Variants in ASPM observed in about 807,000 individuals in gnomAD.
The protein encoded by ASPM is abnormal spindle-like microcephaly-associated protein.
Under a neutral mutation model 366.4 loss-of-function variants are expected in ASPM, and 256 were observed. That is an observed-to-expected ratio of 0.70 (90% confidence interval 0.63 to 0.77). The LOEUF is 0.77. ASPM is among the 30% of genes least tolerant of loss of function. ASPM has a pLI of 0.00. For synonymous variants in ASPM, 1,414 were observed against 1,342.9 expected (o/e 1.05, Z -1.16); for missense variants, 4,146 against 4,090.4 (o/e 1.01, Z -0.37).
At chr1:197,112,275 G>A (rs920085722) in intron 17 of ASPM, among the ~76,000 whole-genome samples, 3 of 152,042 alleles carry the variant, frequency 2.0e-5, no homozygotes, top group African/African-American at 7.2e-5. Flanking sequence ...ACCAAACACT[G>A]CATGTTCTTA....
At chr1:197,138,640 C>T (rs1318511966) in intron 4 of ASPM, 1 of 499,870 alleles carries the variant, frequency 2.0e-6, no homozygotes, top group African/African-American at 2.0e-5. Context: ...AATAAGCAAG[C>T]CAATTTTTAA....
rs917847351 is a variant in ASPM, at chr1:197,129,384, A to C, written c.2630-67T>G. 21 of 1,423,960 alleles carry C rather than the reference A, an allele frequency of 1.5e-5. No homozygotes were observed. In the African/African-American group the frequency reaches 2.9e-4, roughly 20 times the overall value. The allele number at this position is 1,423,960 out of a possible 1,614,324, so 88.2% of individuals were successfully genotyped here. Reference sequence around the variant, plus strand: ...AAGGTAGGTTTCATCTTAAAATATGATAATAATAATAATAAGGTGTTAGTA... The same window carrying C: ...AAGGTAGGTTTCATCTTAAAATATGCTAATAATAATAATAAGGTGTTAGTA... On this transcript the variant is annotated intron_variant, in intron 8 of 27. Transcript: ENST00000367409.
At chr1:197,118,073 T>C (rs1448385247) in intron 16 of ASPM, 90 bp from the exon 17 acceptor site, 2 of 1,215,186 alleles carry the variant, frequency 1.6e-6, no homozygotes, top group Non-Finnish European at 1.2e-6. Flanking sequence ...TAAACACCAA[T>C]CAAATTGATA....
At chr1:197,135,623 C>CTTTTTTTT (rs778898963) in intron 4 of ASPM, among the ~76,000 whole-genome samples, 267 of 69,350 alleles carry the variant, frequency 3.9e-3, no homozygotes, top group Non-Finnish European at 4.6e-3. Context: ...AAATATCTGT[C>CTTTTTTTT]TTTTTTTTTT....
chr1:197,102,422 T>G lies in ASPM; in HGVS notation c.6829A>C (p.Met2277Leu). The change falls in exon 18 of 28, where the codon ATG (methionine) becomes CTG (leucine). Residue 2277 changes from methionine (M) to leucine (L), a missense_variant. Physicochemically the swap from Met to Leu is conservative, Grantham distance 15. Transcript: ENST00000367409. Reference protein sequence around the residue: ...TLIQRRFRTLMMRRRFLSLKK... With the variant: ...TLIQRRFRTLLMRRRFLSLKK... ...AGAGAGAGGAATCTTCTTCTCATCA[T>G]TAGAGTTCTAAATCTCCTCTGAATG... 1 of 1,612,710 alleles carries G rather than the reference T, an allele frequency of 6.2e-7. No individual in the cohort carries two copies. Among genetic ancestry groups the G allele is most frequent in the Non-Finnish European group, 8.5e-7 (1 of 1,179,252 alleles).
At chr1:197,086,733 C>T (rs1656599058) in intron 27 of ASPM, 70 bp downstream of exon 27, 3 of 1,295,688 alleles carry the variant, frequency 2.3e-6, no homozygotes, top group Non-Finnish European at 3.4e-6. Flanking sequence ...ATGGTAAGTG[C>T]TCAATAAATA....
chr1:197,139,175 G>C, intron 4 of ASPM: 1 of 956,620 alleles, frequency 1.0e-6, no homozygotes, highest in Non-Finnish European at 1.7e-6. Context: ...GCATATCTTG[G>C]AGCTTAACGA....
At position 197,128,645 on chromosome 1, in the gene ASPM, CA is replaced by C; in HGVS notation, c.2780del (p.Leu927TrpfsTer8). The C allele has an allele frequency of 6.2e-7, 1 of 1,612,634 alleles. No homozygotes were observed. Among genetic ancestry groups the C allele is most frequent in the African/African-American group, 1.3e-5 (1 of 74,880 alleles). ...CACTTAGGAAATCTCGTGAAAAAGCCAAAAGGATTTCTTTACTAGCCTATAA... is the reference window on the plus strand; with the variant it reads ...CACTTAGGAAATCTCGTGAAAAAGCCAAAGGATTTCTTTACTAGCCTATAA... ...AEFKASKEIL[L>X]AFSRDFLSGE... On this transcript the variant is annotated frameshift_variant, in exon 10 of 28. Coordinates refer to ENST00000367409, the MANE Select transcript of ASPM (RefSeq NM_018136.5). LOFTEE classifies it high-confidence loss of function.
Position 197,103,516 on chromosome 1 carries a change from T to C in ASPM, c.5735A>G (p.Lys1912Arg), listed in dbSNP as rs770891084. 12 of 1,613,196 alleles carry C rather than the reference T, an allele frequency of 7.4e-6. No homozygotes were observed. In the South Asian group the frequency reaches 1.3e-4, roughly 18 times the overall value. The change falls in exon 18 of 28, where the codon AAG becomes AGG. Residue 1912 changes from lysine (K) to arginine (R), a missense_variant. Lys to Arg is a conservative substitution (Grantham distance 26). Around this residue, in one of 3 missense-constraint regions of ASPM, gnomAD observed 3,624 missense variants for 3,591.7 expected, o/e 1.01. Transcript: ENST00000367409. ...AAACAATCTAAACTGTTTCTGGGCC[T>C]TGGCCATTCTAAAAGCAGACTGAAT... ...LKIQSAFRMA[K>R]AQKQFRLFKT...
At chr1:197,084,527 C>T in intron 27 of ASPM, 101 bp from the exon 28 acceptor site, 2 of 755,008 alleles carry the variant, frequency 2.6e-6, no homozygotes, top group Non-Finnish European at 4.5e-6. Flanking sequence ...CTCCTGAACA[C>T]ATCATTTCCC....
chr1:197,087,301 C>T (rs1212881980), intron 26 of ASPM, among the ~76,000 whole-genome samples: 1 of 152,106 alleles, frequency 6.6e-6, no homozygotes, highest in Non-Finnish European at 1.5e-5. Flanking sequence ...TGGTCTCAAT[C>T]TCCTGACCTC....
rs140309398 is a variant in ASPM, at chr1:197,140,909, A to T, written c.1922-1038T>A. Among the ~76,000 whole-genome samples, 23 of 152,332 alleles carry T rather than the reference A, an allele frequency of 1.5e-4. 1 individual carries two copies. In the East Asian group the frequency reaches 4.2e-3, roughly 28 times the overall value. Reference sequence around the variant, plus strand: ...TATTAGAAAAGTGATAGAGAATAACAGGCTGATTCCCAAATATGTAACCAA... The same window carrying T: ...TATTAGAAAAGTGATAGAGAATAACTGGCTGATTCCCAAATATGTAACCAA... On this transcript the variant is annotated intron_variant, in intron 3 of 27. Coordinates refer to ENST00000367409, the MANE Select transcript of ASPM (RefSeq NM_018136.5).
chr1:197,116,452 T>C (rs1657739773), intron 17 of ASPM, among the ~76,000 whole-genome samples: 1 of 152,170 alleles, frequency 6.6e-6, no homozygotes, highest in Admixed American at 6.6e-5. Flanking sequence ...AAAGTGAGCA[T>C]ATCCTGTTGG....
chr1:197,129,140 T>C (rs750892013), intron 9 of ASPM, 47 bp downstream of exon 9: 2 of 1,587,370 alleles, frequency 1.3e-6, no homozygotes, highest in African/African-American at 2.7e-5. Flanking sequence ...CAAGCAAAAG[T>C]CGTAAATGGG....
At chr1:197,131,777 T>C (rs973880709) in intron 7 of ASPM, among the ~76,000 whole-genome samples, 9 of 151,460 alleles carry the variant, frequency 5.9e-5, no homozygotes, top group African/African-American at 1.9e-4. Flanking sequence ...GCCAGGATGG[T>C]CTCCATCTCC....
At chr1:197,089,652 T>C (rs1656711142) in intron 25 of ASPM, among the ~76,000 whole-genome samples, 1 of 151,968 alleles carries the variant, frequency 6.6e-6, no homozygotes, top group African/African-American at 2.4e-5. Flanking sequence ...GCATGAAAAA[T>C]ACTAGCATGT....
chr1:197,142,656 T>C lies in ASPM; in HGVS notation c.1596A>G (p.Ile532Met), dbSNP rs1221482130. The C allele has an allele frequency of 6.2e-7, 1 of 1,612,554 alleles. No individual in the cohort carries two copies. The highest frequency in any genetic ancestry group is 8.5e-7 in the Non-Finnish European group (1 of 1,178,926). Reference protein sequence around the residue: ...NSAVGEHEKVINNQKEKEDFH... With the variant: ...NSAVGEHEKVMNNQKEKEDFH... ...AATCTTCTTTTTCCTTTTGATTATT[T>C]ATTACTTTTTCATGTTCACCCACTG... The change falls in exon 3 of 28, where the codon ATA becomes ATG. Residue 532 changes from isoleucine (I) to methionine (M), a missense_variant. Around this residue, in one of 3 missense-constraint regions of ASPM, gnomAD observed 3,624 missense variants for 3,591.7 expected, o/e 1.01. Transcript: ENST00000367409.
Position 197,088,309 on chromosome 1 carries a change from T to TA in ASPM, c.10107dup (p.Thr3370TyrfsTer16). ...ATAGCCAACAAACAACAAGTTTTTG[T>TA]AAAAATGCTTCCGCCTTTGTCTGCA... On this transcript the variant is annotated frameshift_variant, in exon 26 of 28. Coordinates refer to ENST00000367409, the MANE Select transcript of ASPM (RefSeq NM_018136.5). LOFTEE classifies it high-confidence loss of function. The TA allele has an allele frequency of 6.2e-7, 1 of 1,613,556 alleles. No individual in the cohort carries two copies. Among genetic ancestry groups the TA allele is most frequent in the Non-Finnish European group, 8.5e-7 (1 of 1,179,750 alleles).
At chr1:197,100,361 T>C (rs746590443) in intron 18 of ASPM, 70 bp downstream of exon 18, 40 of 1,087,038 alleles carry the variant, frequency 3.7e-5, no homozygotes, top group Non-Finnish European at 5.1e-5. Context: ...AAGCTCATTT[T>C]ATACATTCTA....
Sources: allele counts gnomAD v4.1 joint callset (sites outside exome capture counted in the v4.1 genomes callset), GRCh38; gene constraint gnomAD v4.1.1; regional missense constraint gnomAD v4.1.1; transcripts MANE v1.5; gene names NCBI Gene and HGNC (gene_info 2026-07-23, HGNC 2026-07-21).